Variants in GRID1 observed in about 807,000 individuals in gnomAD.
GRID1 encodes the protein glutamate receptor ionotropic, delta-1.
A neutral mutation model predicts 98.0 loss-of-function variants in GRID1; 28 were observed. The observed-to-expected ratio is 0.29, with a 90% CI of 0.21 to 0.39. The LOEUF (loss-of-function observed/expected upper bound fraction) is 0.39, where lower values mean the gene tolerates loss of function less well. Among genes scored for constraint, GRID1 ranks in the 10% least tolerant of loss-of-function variants. GRID1 has a pLI of 1.00. For synonymous variants in GRID1, 553 were observed against 538.5 expected (o/e 1.03, Z -0.37); for missense variants, 1,111 against 1,340.5 (o/e 0.83, Z 2.67).
At chr10:85,833,349 C>A (rs996674516) in intron 8 of GRID1, among the ~76,000 whole-genome samples, 36 of 152,132 alleles carry the variant, frequency 2.4e-4, no homozygotes, top group African/African-American at 8.2e-4. Flanking sequence ...TGTCATACTT[C>A]TTGGGAATCA....
intron 5 of GRID1, among the ~76,000 whole-genome samples, chr10:85,898,070 G>A (rs1841319640): frequency 6.6e-6 from 1 of 152,298 alleles, no homozygotes; most frequent in African/African-American, 2.4e-5. Flanking sequence ...AGATGGAACA[G>A]CCAACTGCAC....
chr10:85,940,606 T>C (rs771512552), intron 4 of GRID1, among the ~76,000 whole-genome samples: 1 of 152,224 alleles, frequency 6.6e-6, no homozygotes, highest in Non-Finnish European at 1.5e-5. Flanking sequence ...TTATAGACCC[T>C]AGGCTTCTCC....
At chr10:86,186,983 G>A (rs1845733755) in intron 3 of GRID1, among the ~76,000 whole-genome samples, 1 of 152,218 alleles carries the variant, frequency 6.6e-6, no homozygotes, top group Non-Finnish European at 1.5e-5. Flanking sequence ...GGGGAAACCA[G>A]GTTTTCTATG....
At chr10:85,781,069 T>C (rs925356049) in intron 8 of GRID1, among the ~76,000 whole-genome samples, 6 of 152,172 alleles carry the variant, frequency 3.9e-5, no homozygotes, top group African/African-American at 1.2e-4. Context: ...CTCTATTACA[T>C]GAAGTTTCCT....
chr10:85,737,214 C>T (rs76698748), intron 8 of GRID1, among the ~76,000 whole-genome samples: 5,973 of 152,040 alleles, frequency 0.039, 143 homozygotes, highest in Non-Finnish European at 0.063. Flanking sequence ...AAAAACAAGT[C>T]CTAGAAGGAT....
intron 2 of GRID1, among the ~76,000 whole-genome samples, chr10:86,261,403 G>A (rs908668746): frequency 7.2e-5 from 11 of 152,172 alleles, no homozygotes; most frequent in Non-Finnish European, 1.5e-4. Context: ...AAAGCACTTA[G>A]CACAGAGCCT....
At chr10:86,054,662 A>G (rs1023906233) in intron 4 of GRID1, among the ~76,000 whole-genome samples, 1 of 152,220 alleles carries the variant, frequency 6.6e-6, no homozygotes, top group Admixed American at 6.5e-5. Flanking sequence ...TAATAATAAC[A>G]TAATAGCAGC....
chr10:85,639,015 C>T (rs1374625685), intron 13 of GRID1, among the ~76,000 whole-genome samples: 1 of 152,102 alleles, frequency 6.6e-6, no homozygotes, highest in African/African-American at 2.4e-5. Flanking sequence ...GTAGCATAAC[C>T]ACATAGGAGG....
chr10:85,703,925 G>C (rs1188609283), intron 12 of GRID1, among the ~76,000 whole-genome samples: 4 of 152,082 alleles, frequency 2.6e-5, no homozygotes, highest in Non-Finnish European at 5.9e-5. Context: ...GGCAGGGCTG[G>C]TGGTGACAAA....
intron 4 of GRID1, among the ~76,000 whole-genome samples, chr10:85,985,337 C>A (rs1842595821): frequency 6.6e-6 from 1 of 152,176 alleles, no homozygotes; most frequent in African/African-American, 2.4e-5. Flanking sequence ...GCATTTTCTG[C>A]CATAAAACTC....
At chr10:86,164,229 G>A (rs971942504) in intron 3 of GRID1, among the ~76,000 whole-genome samples, 1 of 152,204 alleles carries the variant, frequency 6.6e-6, no homozygotes, top group Admixed American at 6.5e-5. Context: ...GACAAAATCT[G>A]GGGGAGGCTC....
intron 13 of GRID1, 94 bp from the exon 14 acceptor site, chr10:85,620,127 C>A: frequency 9.7e-7 from 1 of 1,033,732 alleles, no homozygotes; most frequent in Non-Finnish European, 1.5e-6. Context: ...TTTGAGGGAC[C>A]CATCCTCAAT....
intron 4 of GRID1, among the ~76,000 whole-genome samples, chr10:86,076,551 A>G (rs1300970891): frequency 4.6e-5 from 7 of 152,234 alleles, no homozygotes. Context: ...TGATGGCGGA[A>G]GCTGGCAAGT....
intron 4 of GRID1, among the ~76,000 whole-genome samples, chr10:85,940,823 G>C (rs934603185): frequency 3.7e-4 from 57 of 152,340 alleles, no homozygotes; most frequent in Non-Finnish European, 2.1e-4. Context: ...CAAAGAGGCA[G>C]AGCCAGACCC....
At chr10:86,317,686 T>C (rs543930815) in intron 2 of GRID1, among the ~76,000 whole-genome samples, 90 of 152,240 alleles carry the variant, frequency 5.9e-4, no homozygotes, top group African/African-American at 1.9e-3. Context: ...CCTGACTGAC[T>C]TAAAGAGCAG....
At chr10:86,133,401 G>A (rs961119229) in intron 4 of GRID1, among the ~76,000 whole-genome samples, 3 of 152,150 alleles carry the variant, frequency 2.0e-5, no homozygotes, top group Non-Finnish European at 2.9e-5. Flanking sequence ...CACCACACAC[G>A]CTGATCTCTC....
chr10:86,025,055 G>A (rs780498305), intron 4 of GRID1, among the ~76,000 whole-genome samples: 1 of 152,200 alleles, frequency 6.6e-6, no homozygotes, highest in Non-Finnish European at 1.5e-5. Flanking sequence ...CAGGAATCAT[G>A]TGATAAGAGA....
chr10:86,207,195 G>T (rs1339397137), intron 2 of GRID1, among the ~76,000 whole-genome samples: 1 of 152,136 alleles, frequency 6.6e-6, no homozygotes, highest in Non-Finnish European at 1.5e-5. Flanking sequence ...GACCCAAGAT[G>T]TAGGAAAAAA....
chr10:86,296,243 T>C (rs182232418), intron 2 of GRID1, among the ~76,000 whole-genome samples: 9 of 152,282 alleles, frequency 5.9e-5, no homozygotes, highest in East Asian at 1.9e-4. Context: ...TATGGTATTA[T>C]AGAAGAAGCC....
Sources: gnomAD v4.1 joint callset for allele counts (sites outside exome capture counted in the v4.1 genomes callset) on GRCh38, gnomAD v4.1.1 for gene constraint, MANE v1.5 for transcripts, NCBI Gene and HGNC (gene_info 2026-07-23, HGNC 2026-07-21) for gene names.